The following PEX14 variants were observed in gnomAD, a reference collection of about 807,000 sequenced individuals.
PEX14 encodes the protein peroxisomal biogenesis factor 14, also known as peroxisomal membrane protein PEX14.
A neutral mutation model predicts 49.5 loss-of-function variants in PEX14; 15 were observed. The observed-to-expected ratio is 0.30, with a 90% CI of 0.20 to 0.47. The LOEUF (loss-of-function observed/expected upper bound fraction) is 0.47, where lower values mean the gene tolerates loss of function less well. PEX14 is among the 20% of genes least tolerant of loss of function. The probability of loss-of-function intolerance (pLI) is 1.00; values close to 1 mark genes in which losing one functional copy is unlikely to be tolerated. For synonymous variants in PEX14, 210 were observed against 212.7 expected, an observed-to-expected ratio of 0.99 and a Z score of 0.11; for missense variants, 398 against 494.8, an observed-to-expected ratio of 0.80 and a Z score of 1.86.
At chr1:10,564,845 T>G (rs1461135806) in intron 3 of PEX14, among the ~76,000 whole-genome samples, 1 of 151,914 alleles carries the variant, frequency 6.6e-6, no homozygotes, top group East Asian at 1.9e-4. Flanking sequence ...CACTGGGCTA[T>G]CTATGAGTTT....
At chr1:10,506,278 T>G (rs1378430074) in intron 2 of PEX14, among the ~76,000 whole-genome samples, 1 of 152,074 alleles carries the variant, frequency 6.6e-6, no homozygotes. Flanking sequence ...TGTGTTCTTT[T>G]TTTGTGTGTT....
intron 3 of PEX14, among the ~76,000 whole-genome samples, chr1:10,586,319 T>C (rs1640485174): frequency 6.6e-6 from 1 of 152,334 alleles, no homozygotes; most frequent in Non-Finnish European, 1.5e-5. Context: ...CTGAGAACTT[T>C]GCTGCTGGGT....
At chr1:10,562,145 G>A (rs1240249023) in intron 3 of PEX14, among the ~76,000 whole-genome samples, 2 of 152,006 alleles carry the variant, frequency 1.3e-5, no homozygotes, top group African/African-American at 2.4e-5. Flanking sequence ...TCTCCCCTGC[G>A]CACTGCCCCC....
In PEX14 at chr1:10,517,791, C is replaced by T. The variant is rs146492523; in HGVS notation, c.85-18422C>T. Among the ~76,000 whole-genome samples the T allele has an allele frequency of 4.9e-3, 745 of 151,012 alleles. 9 individuals are homozygous for T. Among genetic ancestry groups the T allele is most frequent in the African/African-American group, 0.017 (711 of 41,052 alleles). On this transcript the variant is annotated intron_variant, in intron 2 of 8. Coordinates refer to ENST00000356607, the MANE Select transcript of PEX14 (RefSeq NM_004565.3). ...AGGAGTTGCTGTGAACTAGAAGATGCTTAGTTTTTGAGGAAACGGCACATC... is the reference window on the plus strand; with the variant it reads ...AGGAGTTGCTGTGAACTAGAAGATGTTTAGTTTTTGAGGAAACGGCACATC...
intron 3 of PEX14, among the ~76,000 whole-genome samples, chr1:10,554,018 G>C (rs1422931441): frequency 6.6e-6 from 1 of 151,898 alleles, no homozygotes; most frequent in Non-Finnish European, 1.5e-5. Flanking sequence ...GGCCGGGCGC[G>C]GTGGCTCACG....
At chr1:10,483,866 G>A (rs532289235) in intron 1 of PEX14, among the ~76,000 whole-genome samples, 10 of 151,602 alleles carry the variant, frequency 6.6e-5, no homozygotes, top group African/African-American at 2.4e-4. Flanking sequence ...TGTGGTCCTA[G>A]GAAATCTGAA....
chr1:10,621,980 C>T (rs1470838867), intron 5 of PEX14, among the ~76,000 whole-genome samples: 1 of 152,172 alleles, frequency 6.6e-6, no homozygotes, highest in Non-Finnish European at 1.5e-5. Flanking sequence ...TTGCACTGCA[C>T]TGCCTCTGGC....
intron 3 of PEX14, among the ~76,000 whole-genome samples, chr1:10,549,448 G>T (rs12120962): frequency 6.6e-6 from 1 of 152,006 alleles, no homozygotes; most frequent in African/African-American, 2.4e-5. Context: ...TAACTTTTAC[G>T]TGAAGATAAT....
At chr1:10,528,975 A>T (rs1345727141) in intron 2 of PEX14, among the ~76,000 whole-genome samples, 1 of 152,158 alleles carries the variant, frequency 6.6e-6, no homozygotes, top group East Asian at 1.9e-4. Flanking sequence ...TCTAAACAGG[A>T]CTTCAAACAA....
intron 3 of PEX14, among the ~76,000 whole-genome samples, chr1:10,563,361 A>T (rs1639708337): frequency 6.6e-6 from 1 of 150,962 alleles, no homozygotes; most frequent in African/African-American, 2.4e-5. Flanking sequence ...GCACTTTGGG[A>T]GGCCGAGGCA....
In PEX14 at chr1:10,600,748, A is replaced by G. The variant is rs189965734; in HGVS notation, c.298+1382A>G. On this transcript the variant is annotated intron_variant, in intron 4 of 8. Transcript: ENST00000356607. ...AAATAAAATAAAATAAAGAAACTCA[A>G]TACTGGATCTGTGATCTCTCAAAAT... 3.9e-5 allele frequency among the ~76,000 whole-genome samples: 6 copies of G among 152,224 alleles called. No homozygotes were observed. The East Asian group carries it at 7.7e-4, about 20-fold the overall frequency.
intron 2 of PEX14, chr1:10,517,262 T>C: frequency 6.6e-6 from 1 of 152,356 alleles, no homozygotes; most frequent in Non-Finnish European, 1.5e-5. Context: ...AATTGGCTTG[T>C]GCCAGATTGA....
At chr1:10,605,203 A>G (rs1482275212) in intron 4 of PEX14, among the ~76,000 whole-genome samples, 1 of 152,168 alleles carries the variant, frequency 6.6e-6, no homozygotes, top group African/African-American at 2.4e-5. Flanking sequence ...GTGCTTGAGA[A>G]TGGAAGGGCT....
chr1:10,492,308 G>C (rs1475208661), intron 1 of PEX14, among the ~76,000 whole-genome samples: 1 of 152,122 alleles, frequency 6.6e-6, no homozygotes, highest in Non-Finnish European at 1.5e-5. Flanking sequence ...GAAAGTTTTG[G>C]GTTAAGTCAG....
At chr1:10,619,153 G>A (rs543178484) in intron 5 of PEX14, among the ~76,000 whole-genome samples, 1 of 152,222 alleles carries the variant, frequency 6.6e-6, no homozygotes, top group Admixed American at 6.5e-5. Flanking sequence ...CAGGCATGAC[G>A]TGAACATTGA....
At chr1:10,525,658 C>G (rs1308521298) in intron 2 of PEX14, among the ~76,000 whole-genome samples, 4 of 152,180 alleles carry the variant, frequency 2.6e-5, no homozygotes, top group African/African-American at 9.7e-5. Flanking sequence ...TGGAGTGTCA[C>G]TCTGTCACCC....
Position 10,528,969 on chromosome 1 carries a change from A to C in PEX14, c.85-7244A>C, listed in dbSNP as rs145385633. ...GAAGGCTATTACAGTTTCTTCTCTA[A>C]ACAGGACTTCAAACAATTTGCTGCC... On this transcript the variant is annotated intron_variant, in intron 2 of 8. Transcript: ENST00000356607. 2.0e-4 allele frequency among the ~76,000 whole-genome samples: 30 copies of C among 152,282 alleles called. No homozygotes were observed. The East Asian group carries it at 4.1e-3, about 21-fold the overall frequency.
intron 2 of PEX14, among the ~76,000 whole-genome samples, chr1:10,518,002 C>T (rs992868182): frequency 2.6e-5 from 4 of 152,076 alleles, no homozygotes; most frequent in African/African-American, 4.8e-5. Context: ...CTCTGTCATG[C>T]GTTACTTTTC....
chr1:10,583,615 T>C (rs1020672955), intron 3 of PEX14, among the ~76,000 whole-genome samples: 5 of 150,682 alleles, frequency 3.3e-5, no homozygotes, highest in African/African-American at 1.2e-4. Context: ...TAACCCCAAA[T>C]GCAATGGTAG....
Sources: allele counts gnomAD v4.1 joint callset (sites outside exome capture counted in the v4.1 genomes callset), GRCh38; gene constraint gnomAD v4.1.1; transcripts MANE v1.5; gene names NCBI Gene and HGNC (gene_info 2026-07-23, HGNC 2026-07-21).